The following HYDIN variants were observed in gnomAD, a reference collection of about 807,000 sequenced individuals.
HYDIN encodes axonemal central pair apparatus protein HYDIN.
In HYDIN, 132 loss-of-function variants were observed where a neutral mutation model predicts 403.9. The observed-to-expected ratio is 0.33, with a 90% CI of 0.28 to 0.38. The LOEUF (loss-of-function observed/expected upper bound fraction) is 0.38. Among genes scored for constraint, HYDIN ranks in the 10% least tolerant of loss-of-function variants. The pLI is 1.00. For missense variants in HYDIN, 2,827 were observed against 5,009.5 expected, an observed-to-expected ratio of 0.56 and a Z score of 13.15; for synonymous variants, 1,202 against 1,891.7, an observed-to-expected ratio of 0.64 and a Z score of 9.46.
At chr16:71,071,159 A>C (rs1160619795) in intron 13 of HYDIN, among the ~76,000 whole-genome samples, 1 of 143,068 alleles carries the variant, frequency 7.0e-6, no homozygotes, top group Admixed American at 7.1e-5. Context: ...TATTATGGAA[A>C]GTGGGTATTA....
At chr16:71,049,035 A>G (rs1338832380) in intron 18 of HYDIN, among the ~76,000 whole-genome samples, 4 of 152,286 alleles carry the variant, frequency 2.6e-5, no homozygotes, top group African/African-American at 9.6e-5. Flanking sequence ...ACATAGAAAA[A>G]GAGGCGCAAT....
chr16:71,003,414 TA>T (rs1342488052), intron 23 of HYDIN, among the ~76,000 whole-genome samples: 2 of 152,158 alleles, frequency 1.3e-5, no homozygotes, highest in Non-Finnish European at 2.9e-5. Context: ...CATTTATCCA[TA>T]AATATTGTGT....
At chr16:71,059,775 T>C (rs1426457948) in intron 18 of HYDIN, among the ~76,000 whole-genome samples, 2 of 152,150 alleles carry the variant, frequency 1.3e-5, no homozygotes, top group African/African-American at 4.8e-5. Flanking sequence ...CTCCTGAAAC[T>C]AAAATAAAAG....
intron 3 of HYDIN, among the ~76,000 whole-genome samples, chr16:71,181,710 G>A (rs1245045551): frequency 1.3e-5 from 2 of 152,146 alleles, no homozygotes; most frequent in Non-Finnish European, 2.9e-5. Context: ...GCAGTTAGGA[G>A]AGATTAAAAA....
intron 21 of HYDIN, among the ~76,000 whole-genome samples, chr16:71,020,637 C>T (rs145092817): frequency 3.9e-5 from 6 of 152,000 alleles, no homozygotes; most frequent in East Asian, 3.9e-4. Context: ...GGTGAAACCC[C>T]GTCTCTACTA....
intron 19 of HYDIN, among the ~76,000 whole-genome samples, chr16:71,029,171 T>TG (rs373761879): frequency 0.01 from 1,576 of 152,198 alleles, 14 homozygotes; most frequent in Non-Finnish European, 0.016. Flanking sequence ...TTAGGCTTTT[T>TG]GGGCCACACG....
At chr16:71,030,195 C>T (rs1341457525) in intron 19 of HYDIN, among the ~76,000 whole-genome samples, 1 of 151,930 alleles carries the variant, frequency 6.6e-6, no homozygotes, top group Non-Finnish European at 1.5e-5. Context: ...GGACAACAGG[C>T]ATGTGACATC....
intron 3 of HYDIN, among the ~76,000 whole-genome samples, chr16:71,183,799 T>A (rs1045493647): frequency 1.3e-5 from 2 of 152,116 alleles, no homozygotes; most frequent in East Asian, 3.8e-4. Context: ...AATCTCAGCA[T>A]ATAAATTAAA....
At chr16:71,204,357 G>A (rs1388229551) in intron 1 of HYDIN, among the ~76,000 whole-genome samples, 2 of 152,104 alleles carry the variant, frequency 1.3e-5, no homozygotes, top group African/African-American at 4.8e-5. Context: ...ACACTTCCAT[G>A]GCTCCAACTG....
chr16:70,836,525 T>C (rs1165338510), intron 77 of HYDIN, among the ~76,000 whole-genome samples: 3 of 152,190 alleles, frequency 2.0e-5, no homozygotes, highest in Non-Finnish European at 2.9e-5. Flanking sequence ...ACAGTGGCAG[T>C]AGAGGCAGAG....
chr16:70,838,466 C>T (rs561215970), intron 76 of HYDIN, among the ~76,000 whole-genome samples: 34 of 152,324 alleles, frequency 2.2e-4, no homozygotes, highest in Non-Finnish European at 4.3e-4. Context: ...GCTGGGATTA[C>T]AGGCCACCGC....
At chr16:70,852,621 G>T (rs2038728776) in intron 73 of HYDIN, 2 of 147,718 alleles carry the variant, frequency 1.4e-5, no homozygotes, top group Non-Finnish European at 3.0e-5. Context: ...AAACAAACAG[G>T]CTGAGCAGGA....
Position 71,064,076 on chromosome 16 carries a change from A to G in HYDIN, c.2211+629T>C, listed in dbSNP as rs548474702. Among the ~76,000 whole-genome samples the G allele has an allele frequency of 3.9e-5, 5 of 127,694 alleles. 1 individual carries two copies. The highest frequency in any genetic ancestry group is 4.7e-4 in the South Asian group (2 of 4,268). The allele number at this position is 127,694 out of a possible 152,430, so 83.8% of individuals were successfully genotyped here. A position where few individuals can be genotyped will look rare whatever the true frequency, so the allele number is the denominator to read the frequency against. ...ATTTTAGTTAGAATATTGTAATTCTATAACTGAGTTTTATACCCAAATGCA... is the reference window on the plus strand; with the variant it reads ...ATTTTAGTTAGAATATTGTAATTCTGTAACTGAGTTTTATACCCAAATGCA... On this transcript the variant is annotated intron_variant, in intron 16 of 85. Coordinates refer to ENST00000393567, the MANE Select transcript of HYDIN (RefSeq NM_001270974.2).
intron 55 of HYDIN, chr16:70,893,843 T>A (rs1427229649): frequency 6.6e-6 from 1 of 152,368 alleles, no homozygotes; most frequent in African/African-American, 2.4e-5. Context: ...TCATTTTTTA[T>A]CTCAGGGGAT....
rs1456082351 is a variant in HYDIN, at chr16:70,833,959, A to G, written c.13607T>C (p.Phe4536Ser). Residue 4536 changes from phenylalanine to serine, a missense_variant, in exon 79 of 86, where the codon TTT becomes TCT. By Grantham distance (155) the Phe-to-Ser change is radical (BLOSUM62 -2). Transcript: ENST00000393567. ...TTGCGTCTGATACACCACGGGTCCA[A>G]AGGGAATATGTTCCTGGTCCAGTGA... The part of the protein sequence containing the change: ...EISLDQEHIP[F>S]GPVVYQTQAT... The G allele has an allele frequency of 6.2e-7, 1 of 1,613,366 alleles. No homozygotes were observed. Among genetic ancestry groups the G allele is most frequent in the Admixed American group, 1.7e-5 (1 of 59,986 alleles).
chr16:70,864,052 TG>T (rs1385199554), intron 67 of HYDIN, among the ~76,000 whole-genome samples: 1 of 151,772 alleles, frequency 6.6e-6, no homozygotes, highest in Non-Finnish European at 1.5e-5. Flanking sequence ...AGAACAGGGC[TG>T]GGTGCGGTGG....
At chr16:70,843,007 CTTTT>C (rs147680176) in intron 75 of HYDIN, among the ~76,000 whole-genome samples, 2 of 149,370 alleles carry the variant, frequency 1.3e-5, no homozygotes, top group South Asian at 4.3e-4. Context: ...AACTTAATTT[CTTTT>C]TTTTTACATA....
intron 73 of HYDIN, among the ~76,000 whole-genome samples, chr16:70,853,351 T>A (rs1023074302): frequency 8.6e-5 from 13 of 151,494 alleles, no homozygotes; most frequent in Non-Finnish European, 7.4e-5. Flanking sequence ...CGTATGTCCA[T>A]TAATTGCACT....
chr16:70,898,305 C>G (rs1452926730), intron 53 of HYDIN, among the ~76,000 whole-genome samples: 1 of 152,154 alleles, frequency 6.6e-6, no homozygotes, highest in African/African-American at 2.4e-5. Context: ...CCCTGGACTC[C>G]CCATGATCCA....
Sources: allele counts gnomAD v4.1 joint callset (sites outside exome capture counted in the v4.1 genomes callset), GRCh38; gene constraint gnomAD v4.1.1; transcripts MANE v1.5; gene names NCBI Gene and HGNC (gene_info 2026-07-23, HGNC 2026-07-21).